Variants in CLTC observed in about 807,000 individuals in gnomAD.
CLTC encodes clathrin heavy chain 1.
A neutral mutation model predicts 195.8 loss-of-function variants in CLTC; 16 were observed. The ratio of observed to expected loss-of-function variants is 0.08; its 90% CI spans 0.06 to 0.12. CLTC has a LOEUF of 0.12. CLTC is among the 10% of genes least tolerant of loss of function. The pLI is 1.00. For missense variants in CLTC, 796 were observed against 2,027.0 expected (o/e 0.39, Z 11.66); for synonymous variants, 667 against 689.4 (o/e 0.97, Z 0.51).
At chr17:59,641,579 T>G (rs1208541533) in intron 1 of CLTC, among the ~76,000 whole-genome samples, 3 of 111,426 alleles carry the variant, frequency 2.7e-5, no homozygotes, top group Non-Finnish European at 5.0e-5. Flanking sequence ...CCAGCCTGGC[T>G]GGCGACAGAG....
chr17:59,638,416 C>G (rs769276872), intron 1 of CLTC, among the ~76,000 whole-genome samples: 1 of 152,126 alleles, frequency 6.6e-6, no homozygotes, highest in African/African-American at 2.4e-5. Context: ...AATCTTCACA[C>G]CTCTGAGATA....
chr17:59,628,678 G>T (rs2031621543), intron 1 of CLTC, among the ~76,000 whole-genome samples: 1 of 152,162 alleles, frequency 6.6e-6, no homozygotes, highest in South Asian at 2.1e-4. Context: ...ACGAGAATTG[G>T]ATTGGGAGTT....
chr17:59,624,348 C>G (rs1036923378), intron 1 of CLTC, among the ~76,000 whole-genome samples: 1 of 151,568 alleles, frequency 6.6e-6, no homozygotes, highest in Non-Finnish European at 1.5e-5. Flanking sequence ...TGAGTTCTCT[C>G]TACTTGTTTA....
intron 8 of CLTC, among the ~76,000 whole-genome samples, chr17:59,663,405 G>A (rs1212652836): frequency 6.6e-6 from 1 of 152,134 alleles, no homozygotes; most frequent in Admixed American, 6.5e-5. Context: ...TGTCCTTATG[G>A]TAAACCTCAT....
chr17:59,660,777 T>C (rs2032589876), intron 7 of CLTC, among the ~76,000 whole-genome samples, 189 bp downstream of exon 7: 1 of 152,236 alleles, frequency 6.6e-6, no homozygotes, highest in Non-Finnish European at 1.5e-5. Context: ...TGGATTTGAT[T>C]AGTTTTTTAA....
Position 59,644,281 on chromosome 17 carries a change from G to C in CLTC, c.48G>C (p.Gln16His). The C allele has an allele frequency of 6.2e-7, 1 of 1,613,208 alleles. No individual in the cohort carries two copies. The highest frequency in any genetic ancestry group is 8.5e-7 in the Non-Finnish European group (1 of 1,179,698). ...PIRFQEHLQL[Q>H]NLGINPANIG... ...TTTCTTATTATTTTTTCTAGCTCCA[G>C]AACCTGGGTATCAACCCAGCAAACA... Residue 16 changes from glutamine to histidine, a missense_variant, in exon 2 of 32, where the codon CAG becomes CAC. Around this residue, in one of 9 missense-constraint regions of CLTC, gnomAD observed 24 missense variants for 29.8 expected, o/e 0.81. Coordinates refer to ENST00000269122, the MANE Select transcript of CLTC (RefSeq NM_004859.4).
Position 59,682,592 on chromosome 17 carries a change from A to T in CLTC, c.3601-37A>T, listed in dbSNP as rs781447916. 1.9e-6 allele frequency: 3 copies of T among 1,609,916 alleles called. No individual in the cohort carries two copies. Among genetic ancestry groups the T allele is most frequent in the African/African-American group, 1.3e-5 (1 of 74,748 alleles). On this transcript the variant is annotated intron_variant, in intron 22 of 31. Coordinates refer to ENST00000269122, the MANE Select transcript of CLTC (RefSeq NM_004859.4). The surrounding 1 kb of genome is among the most constrained non-coding windows in gnomAD (Gnocchi z 6.8). ...TGAAAAGAGGATTAAGCTCACACTA[A>T]TATCTTGCTGAATGTGGGTTACCTT...
chr17:59,681,771 T>C lies in CLTC; in HGVS notation c.3374T>C (p.Ile1125Thr). The C allele has an allele frequency of 6.2e-7, 1 of 1,614,088 alleles. No individual in the cohort carries two copies. The highest frequency in any genetic ancestry group is 8.5e-7 in the Non-Finnish European group (1 of 1,179,952). The change falls in exon 21 of 32, where the codon ATT becomes ACT. Residue 1125 changes from isoleucine (I) to threonine (T), a missense_variant. Physicochemically the swap from Ile to Thr is moderately conservative, Grantham distance 89. Transcript: ENST00000269122. The surrounding 1 kb of genome is among the most constrained non-coding windows in gnomAD (Gnocchi z 5.0). ...CAGAAAGGAATGGTGAAAGAAGCCA[T>C]TGATTCTTATATCAAAGCAGATGAT... ...QLQKGMVKEAIDSYIKADDPS... is the reference protein window; with the variant it reads ...QLQKGMVKEATDSYIKADDPS...
chr17:59,627,517 TTGAATTGCAAAA>T (rs2031587112), intron 1 of CLTC, among the ~76,000 whole-genome samples: 2 of 152,218 alleles, frequency 1.3e-5, no homozygotes, highest in South Asian at 4.1e-4. Context: ...TCTGTATCAT[TTGAATTGCAAAA>T]TGTACCACAA....
chr17:59,683,276 G>A lies in CLTC; in HGVS notation c.4041+14G>A. 1.2e-6 allele frequency: 2 copies of A among 1,612,274 alleles called. No individual in the cohort carries two copies. The highest frequency in any genetic ancestry group is 1.7e-6 in the Non-Finnish European group (2 of 1,178,856). On this transcript the variant is annotated intron_variant, in intron 25 of 31. Transcript: ENST00000269122. The surrounding 1 kb of genome is among the most constrained non-coding windows in gnomAD (Gnocchi z 6.1). ...AATATTCCCAAGGTAACCAGTCATT[G>A]TAACACAGTGAAGCAACTGTGTAGT... is the stretch of plus-strand genomic sequence containing the variant.
intron 1 of CLTC, among the ~76,000 whole-genome samples, chr17:59,642,927 A>G (rs1317756282): frequency 1.3e-5 from 2 of 152,204 alleles, no homozygotes; most frequent in African/African-American, 2.4e-5. Context: ...GTTATATCTT[A>G]TTCAGAGCCT....
In CLTC at chr17:59,674,687, C is replaced by G. The variant is rs759138441; in HGVS notation, c.2419-14C>G. ...ATAACATAATAACATTCTTCTACTT[C>G]TTTTTAACCACAGGTGAATCCAAGT... On this transcript the variant is annotated splice_polypyrimidine_tract_variant and intron_variant, in intron 15 of 31. Coordinates refer to ENST00000269122, the MANE Select transcript of CLTC (RefSeq NM_004859.4). 3.6e-5 allele frequency: 57 copies of G among 1,599,734 alleles called. No individual in the cohort carries two copies. The highest frequency in any genetic ancestry group is 4.8e-5 in the Non-Finnish European group (56 of 1,173,656).
Position 59,681,955 on chromosome 17 carries a change from T to TC in CLTC, c.3442+118dup. ...GATACTGCATGGTTTCTTTTAGTGC[T>TC]CCATCTTAGTCCAGATAAAAAGAGG... On this transcript the variant is annotated intron_variant, in intron 21 of 31. Coordinates refer to ENST00000269122, the MANE Select transcript of CLTC (RefSeq NM_004859.4). The surrounding 1 kb of genome is among the most constrained non-coding windows in gnomAD (Gnocchi z 5.0). 1.1e-6 allele frequency: 1 copy of TC among 890,010 alleles called. No individual in the cohort carries two copies. Among genetic ancestry groups the TC allele is most frequent in the Non-Finnish European group, 1.7e-6 (1 of 602,278 alleles). 55.1% of individuals were successfully genotyped at this position (890,010 alleles called of 1,614,324 possible).
At chr17:59,620,271 G>GC (rs2031325246) in intron 1 of CLTC, 98 bp downstream of exon 1, 1 of 1,309,188 alleles carries the variant, frequency 7.6e-7, no homozygotes, top group South Asian at 1.2e-5. Context: ...AGCTGGAGGG[G>GC]CGGGGGGGTT....
intron 4 of CLTC, among the ~76,000 whole-genome samples, chr17:59,649,790 A>T (rs2032285986): frequency 6.6e-6 from 1 of 152,228 alleles, no homozygotes. Flanking sequence ...TCAATGTGAC[A>T]GTGGTAGAAA....
chr17:59,693,899 G>A lies in CLTC; in HGVS notation c.*47G>A, dbSNP rs192798531. 7.9e-4 allele frequency: 1,214 copies of A among 1,531,998 alleles called. 1 individual carries two copies. The highest frequency in any genetic ancestry group is 1.0e-3 in the Non-Finnish European group (1,137 of 1,136,346). The allele number at this position is 1,531,998 out of a possible 1,614,324, so 94.9% of individuals were successfully genotyped here. Reference sequence around the variant, plus strand: ...TCACCTATTTTCGTACTGAAACATCGTCTTTACCCACTTCTCAGTTTATAA... The same window carrying A: ...TCACCTATTTTCGTACTGAAACATCATCTTTACCCACTTCTCAGTTTATAA... On this transcript the variant is annotated 3_prime_UTR_variant, in exon 32 of 32. Coordinates refer to ENST00000269122, the MANE Select transcript of CLTC (RefSeq NM_004859.4).
At chr17:59,662,580 T>C (rs2032634827) in intron 8 of CLTC, among the ~76,000 whole-genome samples, 1 of 152,214 alleles carries the variant, frequency 6.6e-6, no homozygotes, top group South Asian at 2.1e-4. Context: ...TGAATAACAT[T>C]TAATGTTATT....
intron 16 of CLTC, among the ~76,000 whole-genome samples, chr17:59,675,855 T>C (rs1252878510): frequency 6.6e-6 from 1 of 152,270 alleles, no homozygotes; most frequent in African/African-American, 2.4e-5. Flanking sequence ...ATGCCTCAGC[T>C]AATTTTTATT....
At chr17:59,669,625 T>C (rs1218056511) in intron 14 of CLTC, among the ~76,000 whole-genome samples, 1 of 152,124 alleles carries the variant, frequency 6.6e-6, no homozygotes, top group Non-Finnish European at 1.5e-5. Flanking sequence ...GTGATGGAAA[T>C]AAAGCTTTAA....
Sources: allele counts gnomAD v4.1 joint callset (sites outside exome capture counted in the v4.1 genomes callset), GRCh38; gene constraint gnomAD v4.1.1; regional missense constraint gnomAD v4.1.1; non-coding constraint Gnocchi (gnomAD v3.1); transcripts MANE v1.5; gene names NCBI Gene and HGNC (gene_info 2026-07-23, HGNC 2026-07-21).